PRKAG2: variants seen among roughly 807,000 people sequenced by gnomAD.
PRKAG2 encodes 5'-AMP-activated protein kinase subunit gamma-2.
Under a neutral mutation model 69.6 loss-of-function variants are expected in PRKAG2, and 26 were observed. The observed-to-expected ratio is 0.37, with a 90% CI of 0.27 to 0.52. The LOEUF is 0.52. Ranked by LOEUF, PRKAG2 falls within the 20% of genes least tolerant of loss-of-function variation. PRKAG2 has a pLI of 0.90. For synonymous variants in PRKAG2, 293 were observed against 285.0 expected (o/e 1.03, Z -0.28); for missense variants, 557 against 740.0 (o/e 0.75, Z 2.87).
intron 2 of PRKAG2, among the ~76,000 whole-genome samples, chr7:151,782,352 G>A (rs1183956686): frequency 9.5e-5 from 3 of 31,502 alleles, no homozygotes; most frequent in African/African-American, 1.6e-4. Flanking sequence ...AGGGAGGGAG[G>A]GAGGGAGGGA....
At chr7:151,830,793 G>GC (rs1419560231) in intron 1 of PRKAG2, among the ~76,000 whole-genome samples, 1 of 144,760 alleles carries the variant, frequency 6.9e-6, no homozygotes, top group Non-Finnish European at 1.5e-5. Context: ...GGGGCGGGGG[G>GC]GGGTTGTGAT....
chr7:151,562,245 A>C (rs1357092361), intron 14 of PRKAG2, among the ~76,000 whole-genome samples: 919 of 67,110 alleles, frequency 0.014, 1 homozygote, highest in Non-Finnish European at 0.018. Flanking sequence ...ACTTTGTCTC[A>C]AAAAAAAAAA....
chr7:151,754,075 T>C (rs1279614006), intron 3 of PRKAG2, among the ~76,000 whole-genome samples: 2 of 152,202 alleles, frequency 1.3e-5, no homozygotes, highest in African/African-American at 2.4e-5. Flanking sequence ...CATGTGTTAG[T>C]GCTGCCTTTT....
intron 4 of PRKAG2, among the ~76,000 whole-genome samples, chr7:151,634,420 A>G (rs920363893): frequency 7.2e-5 from 11 of 152,234 alleles, no homozygotes; most frequent in Middle Eastern, 3.2e-3. Context: ...ACTTGACACC[A>G]AAAACACAGT....
chr7:151,597,045 A>G (rs1274032230), intron 5 of PRKAG2, among the ~76,000 whole-genome samples: 2 of 152,216 alleles, frequency 1.3e-5, no homozygotes, highest in Admixed American at 6.5e-5. Flanking sequence ...CAAAGCTATA[A>G]TAACCAAAAC....
chr7:151,586,388 G>C (rs1179800902), intron 6 of PRKAG2, among the ~76,000 whole-genome samples: 1 of 152,142 alleles, frequency 6.6e-6, no homozygotes, highest in Non-Finnish European at 1.5e-5. Flanking sequence ...TCTCAGCTGG[G>C]ATTGATACTA....
rs1806644661 is a variant in PRKAG2 at position 151,567,982 on chromosome 7, T to C, written c.1233+734A>G. ...GTCTTGGAAAAACAACTCTTCAAAGTACCTCTTCAGAACGATTAAGACCTT... is the reference window on the plus strand; with the variant it reads ...GTCTTGGAAAAACAACTCTTCAAAGCACCTCTTCAGAACGATTAAGACCTT... On this transcript the variant is annotated intron_variant, in intron 11 of 15. Coordinates refer to ENST00000287878, the MANE Select transcript of PRKAG2 (RefSeq NM_016203.4). The surrounding 1 kb of genome is among the most constrained non-coding windows in gnomAD (Gnocchi z 4.2). Among the ~76,000 whole-genome samples the C allele has an allele frequency of 6.6e-6, 1 of 152,268 alleles. No homozygotes were observed. The highest frequency in any genetic ancestry group is 1.5e-5 in the Non-Finnish European group (1 of 68,048).
intron 5 of PRKAG2, among the ~76,000 whole-genome samples, chr7:151,623,086 G>A (rs978702063): frequency 2.0e-5 from 3 of 152,152 alleles, no homozygotes; most frequent in Admixed American, 6.5e-5. Context: ...CATAAGGAAG[G>A]CTGGGCACGG....
At chr7:151,795,173 G>C (rs1024940261) in intron 1 of PRKAG2, among the ~76,000 whole-genome samples, 4 of 152,334 alleles carry the variant, frequency 2.6e-5, no homozygotes, top group Non-Finnish European at 4.4e-5. Flanking sequence ...AGGGAGAGTG[G>C]GGGGCAGGGG....
intron 15 of PRKAG2, 72 bp downstream of exon 15, chr7:151,560,452 A>C: frequency 3.1e-6 from 5 of 1,613,008 alleles, no homozygotes; most frequent in Non-Finnish European, 4.2e-6. Context: ...GATGGTTTAA[A>C]TGCTGCACTT....
chr7:151,746,847 C>T (rs1455036675), intron 3 of PRKAG2, among the ~76,000 whole-genome samples: 2 of 152,224 alleles, frequency 1.3e-5, no homozygotes, highest in East Asian at 1.9e-4. Context: ...TTGGCAGAAC[C>T]TGCTCTGGAT....
chr7:151,715,322 C>CAAAAAA (rs34971340), intron 3 of PRKAG2, among the ~76,000 whole-genome samples: 1,145 of 62,406 alleles, frequency 0.018, 75 homozygotes, highest in East Asian at 0.043. Flanking sequence ...GGCCTAAAAG[C>CAAAAAA]AAAAAAAAAA....
At chr7:151,745,388 G>A (rs903616782) in intron 3 of PRKAG2, among the ~76,000 whole-genome samples, 4 of 152,272 alleles carry the variant, frequency 2.6e-5, no homozygotes, top group South Asian at 2.1e-4. Context: ...CTCTGAGATC[G>A]CCACGTCGCC....
At chr7:151,796,068 T>A (rs1206682276) in intron 1 of PRKAG2, among the ~76,000 whole-genome samples, 1 of 151,834 alleles carries the variant, frequency 6.6e-6, no homozygotes, top group Non-Finnish European at 1.5e-5. Flanking sequence ...AGGAGATCTA[T>A]ATGCTTGGAT....
chr7:151,709,133 G>A (rs1236701339), intron 3 of PRKAG2, among the ~76,000 whole-genome samples: 1 of 152,076 alleles, frequency 6.6e-6, no homozygotes, highest in African/African-American at 2.4e-5. Context: ...GTGATATTGT[G>A]ACAATGAACA....
chr7:151,589,446 T>C (rs963935746), intron 6 of PRKAG2, among the ~76,000 whole-genome samples: 3 of 152,218 alleles, frequency 2.0e-5, no homozygotes, highest in East Asian at 3.9e-4. Flanking sequence ...TCTGATGAGC[T>C]GCGTTTTTAA....
chr7:151,858,553 G>T (rs1423672239), intron 1 of PRKAG2, among the ~76,000 whole-genome samples: 1 of 152,048 alleles, frequency 6.6e-6, no homozygotes, highest in African/African-American at 2.4e-5. Context: ...CTATTCACCT[G>T]CCCACACACA....
intron 1 of PRKAG2, among the ~76,000 whole-genome samples, chr7:151,839,062 C>T (rs1055110358): frequency 6.6e-6 from 1 of 152,030 alleles, no homozygotes; most frequent in South Asian, 2.1e-4. Context: ...CTGAAGCCAG[C>T]TCTGCAGACT....
intron 4 of PRKAG2, among the ~76,000 whole-genome samples, chr7:151,636,866 G>A (rs1306518300): frequency 1.3e-5 from 2 of 152,006 alleles, no homozygotes; most frequent in Non-Finnish European, 1.5e-5. Flanking sequence ...AACCATGCTC[G>A]GCTAATTTTC....
Sources: allele counts gnomAD v4.1 joint callset (sites outside exome capture counted in the v4.1 genomes callset), GRCh38; gene constraint gnomAD v4.1.1; non-coding constraint Gnocchi (gnomAD v3.1); transcripts MANE v1.5; gene names NCBI Gene and HGNC (gene_info 2026-07-23, HGNC 2026-07-21).